The following CLSTN2 variants were observed in gnomAD, a reference collection of about 807,000 sequenced individuals.
CLSTN2 encodes the protein calsyntenin 2.
Under a neutral mutation model 101.2 loss-of-function variants are expected in CLSTN2, and 48 were observed. The observed-to-expected ratio is 0.47, with a 90% CI of 0.38 to 0.60. The LOEUF (loss-of-function observed/expected upper bound fraction) is 0.60, where lower values mean the gene tolerates loss of function less well. Among genes scored for constraint, CLSTN2 ranks in the 20% least tolerant of loss-of-function variants. The pLI, the probability that CLSTN2 is intolerant of heterozygous loss-of-function variation, is 0.00. For missense variants in CLSTN2, 1,160 were observed against 1,238.2 expected, an observed-to-expected ratio of 0.94 and a Z score of 0.95; for synonymous variants, 481 against 463.6, an observed-to-expected ratio of 1.04 and a Z score of -0.48.
intron 4 of CLSTN2, among the ~76,000 whole-genome samples, chr3:140,410,691 T>C (rs561399760): frequency 6.0e-4 from 91 of 152,258 alleles, no homozygotes; most frequent in African/African-American, 2.1e-3. Context: ...GACATGTAAA[T>C]CACTTATAAT....
intron 2 of CLSTN2, among the ~76,000 whole-genome samples, chr3:140,359,473 A>G (rs1169393500): frequency 6.6e-6 from 1 of 152,242 alleles, no homozygotes; most frequent in African/African-American, 2.4e-5. Flanking sequence ...ACATTAAGAA[A>G]GGAGAAGGAA....
At chr3:140,253,593 A>G (rs373639883) in intron 2 of CLSTN2, among the ~76,000 whole-genome samples, 1 of 152,228 alleles carries the variant, frequency 6.6e-6, no homozygotes, top group Admixed American at 6.5e-5. Context: ...GACACGGAAG[A>G]GTGTACTGAT....
rs1419552909 is a variant in CLSTN2, at chr3:140,567,193, T to A, written c.*940T>A. 6.6e-6 allele frequency: 1 copy of A among 152,336 alleles called. No individual in the cohort carries two copies. The highest frequency in any genetic ancestry group is 1.5e-5 in the Non-Finnish European group (1 of 68,164). The allele number at this position is 152,336 out of a possible 1,614,324, so 9.4% of individuals were successfully genotyped here. A position where few individuals can be genotyped will look rare whatever the true frequency, so the allele number is the denominator to read the frequency against. On this transcript the variant is annotated 3_prime_UTR_variant, in exon 17 of 17. Transcript: ENST00000458420. The stretch of plus-strand genomic sequence containing the variant: ...ATGCTAATGAGGTCAAACGTAGGCT[T>A]CATGGTGGGTGGAGTGGGGGTGGCT...
At chr3:140,386,954 C>A (rs2088059446) in intron 2 of CLSTN2, among the ~76,000 whole-genome samples, 1 of 152,176 alleles carries the variant, frequency 6.6e-6, no homozygotes, top group African/African-American at 2.4e-5. Context: ...TAACCTTGAC[C>A]AAAGCACATC....
At chr3:140,061,048 T>C (rs1034139939) in intron 1 of CLSTN2, among the ~76,000 whole-genome samples, 4 of 152,198 alleles carry the variant, frequency 2.6e-5, no homozygotes, top group African/African-American at 9.7e-5. Flanking sequence ...AAGATATTAC[T>C]TACTCAGCCT....
At chr3:140,358,978 T>A (rs984015550) in intron 2 of CLSTN2, among the ~76,000 whole-genome samples, 6 of 152,068 alleles carry the variant, frequency 3.9e-5, no homozygotes, top group African/African-American at 1.5e-4. Flanking sequence ...AGGACTGGCA[T>A]CCAAACCCTC....
At chr3:140,194,468 G>C (rs143118836) in intron 2 of CLSTN2, among the ~76,000 whole-genome samples, 31 of 152,256 alleles carry the variant, frequency 2.0e-4, no homozygotes. Flanking sequence ...CATTCAGTCT[G>C]TAGCAGTTTG....
At chr3:140,459,009 G>T (rs1258469115) in intron 6 of CLSTN2, among the ~76,000 whole-genome samples, 1 of 152,168 alleles carries the variant, frequency 6.6e-6, no homozygotes, top group Non-Finnish European at 1.5e-5. Context: ...TCAGGATCTA[G>T]AACTTTCCCC....
intron 1 of CLSTN2, among the ~76,000 whole-genome samples, chr3:139,963,107 G>A (rs369672625): frequency 1.3e-5 from 2 of 152,066 alleles, no homozygotes; most frequent in East Asian, 3.9e-4. Flanking sequence ...GAGGAGGAGG[G>A]GGGCAGAGAC....
At chr3:140,246,278 A>G (rs1410964919) in intron 2 of CLSTN2, among the ~76,000 whole-genome samples, 2 of 152,206 alleles carry the variant, frequency 1.3e-5, no homozygotes, top group African/African-American at 2.4e-5. Context: ...TCTGCATGAA[A>G]TGTTAATTGA....
At chr3:140,439,417 T>C (rs892670697) in intron 5 of CLSTN2, among the ~76,000 whole-genome samples, 1 of 152,184 alleles carries the variant, frequency 6.6e-6, no homozygotes, top group African/African-American at 2.4e-5. Flanking sequence ...GTCTGCCAGA[T>C]AGATGTGAAG....
intron 2 of CLSTN2, among the ~76,000 whole-genome samples, chr3:140,313,234 A>C (rs945432067): frequency 1.3e-5 from 2 of 152,180 alleles, no homozygotes; most frequent in African/African-American, 4.8e-5. Flanking sequence ...CAGATGTCCT[A>C]AATTTCATGC....
chr3:140,236,307 C>G (rs1296982586), intron 2 of CLSTN2, among the ~76,000 whole-genome samples: 1 of 152,090 alleles, frequency 6.6e-6, no homozygotes, highest in Non-Finnish European at 1.5e-5. Flanking sequence ...GTTCCACTGT[C>G]TTCTGACTTG....
chr3:140,025,450 C>T (rs1170226635), intron 1 of CLSTN2, among the ~76,000 whole-genome samples: 1 of 152,160 alleles, frequency 6.6e-6, no homozygotes, highest in Non-Finnish European at 1.5e-5. Context: ...CCTGCCTGAC[C>T]CTCAGCTTTC....
intron 2 of CLSTN2, among the ~76,000 whole-genome samples, chr3:140,243,662 G>A (rs2086490237): frequency 1.3e-5 from 2 of 152,196 alleles, no homozygotes; most frequent in Admixed American, 1.3e-4. Flanking sequence ...GGACACTCTA[G>A]ACTGAGAGAG....
At chr3:139,985,666 T>G (rs538366062) in intron 1 of CLSTN2, among the ~76,000 whole-genome samples, 2 of 152,314 alleles carry the variant, frequency 1.3e-5, no homozygotes, top group South Asian at 4.1e-4. Context: ...AAAGGCTTAT[T>G]TGAAACAGAG....
intron 2 of CLSTN2, among the ~76,000 whole-genome samples, chr3:140,274,902 C>G (rs2086780034): frequency 6.6e-6 from 1 of 152,210 alleles, no homozygotes; most frequent in South Asian, 2.1e-4. Context: ...TTCTGGCGAG[C>G]ATGGAGGCAG....
At chr3:140,232,064 C>T (rs2086376001) in intron 2 of CLSTN2, among the ~76,000 whole-genome samples, 1 of 152,202 alleles carries the variant, frequency 6.6e-6, no homozygotes, top group African/African-American at 2.4e-5. Flanking sequence ...ATATCTATAA[C>T]AGTGTCTACA....
intron 1 of CLSTN2, among the ~76,000 whole-genome samples, chr3:139,965,285 G>A (rs1935575564): frequency 6.6e-6 from 1 of 152,184 alleles, no homozygotes; most frequent in East Asian, 1.9e-4. Context: ...CCCTACTTTG[G>A]TATACCAGGC....
Sources: allele counts gnomAD v4.1 joint callset (sites outside exome capture counted in the v4.1 genomes callset), GRCh38; gene constraint gnomAD v4.1.1; transcripts MANE v1.5; gene names NCBI Gene and HGNC (gene_info 2026-07-23, HGNC 2026-07-21).